Variants in CALN1 observed in about 807,000 individuals in gnomAD.
CALN1 encodes the protein calneuron 1.
CALN1 carries 17 observed loss-of-function variants against 30.6 expected under a neutral mutation model. The observed-to-expected ratio is 0.56, with a 90% CI of 0.38 to 0.83. The LOEUF (loss-of-function observed/expected upper bound fraction) is 0.83. Ranked by LOEUF, CALN1 falls within the 40% of genes least tolerant of loss-of-function variation. The pLI, the probability that CALN1 is intolerant of heterozygous loss-of-function variation, is 0.00. For missense variants in CALN1, 291 were observed against 354.9 expected (o/e 0.82, Z 1.45); for synonymous variants, 156 against 131.4 (o/e 1.19, Z -1.28).
intron 4 of CALN1, among the ~76,000 whole-genome samples, chr7:72,043,719 C>T (rs886598478): frequency 3.3e-5 from 5 of 152,100 alleles, no homozygotes; most frequent in Non-Finnish European, 7.4e-5. Flanking sequence ...TGCAGTTGTC[C>T]GGTCTAGACA....
At position 71,816,935 on chromosome 7, in the gene CALN1, T is replaced by A. The variant is rs1010564689; in HGVS notation, c.502-6443A>T. 2.0e-5 allele frequency among the ~76,000 whole-genome samples: 3 copies of A among 152,124 alleles called. No individual in the cohort carries two copies. In the East Asian group the frequency reaches 5.8e-4, roughly 29 times the overall value. On this transcript the variant is annotated intron_variant, in intron 5 of 6. Transcript: ENST00000395275. Reference sequence around the variant, plus strand: ...GTGAGCCGAGATTGCACCACTGCACTCCAGCCTGGGCAACAGAGCGAGACT... The same window carrying A: ...GTGAGCCGAGATTGCACCACTGCACACCAGCCTGGGCAACAGAGCGAGACT...
At chr7:72,238,738 T>C (rs1325417834) in intron 3 of CALN1, among the ~76,000 whole-genome samples, 1 of 152,210 alleles carries the variant, frequency 6.6e-6, no homozygotes, top group African/African-American at 2.4e-5. Flanking sequence ...GAAGGGCATG[T>C]TTGCTTCCCC....
At chr7:71,960,018 C>T (rs932383956) in intron 5 of CALN1, among the ~76,000 whole-genome samples, 60 of 151,748 alleles carry the variant, frequency 4.0e-4, no homozygotes, top group African/African-American at 1.4e-3. Flanking sequence ...CCTGTAATCC[C>T]AGCTGCTCTA....
At chr7:72,013,247 AT>A (rs1025112311) in intron 5 of CALN1, among the ~76,000 whole-genome samples, 5,844 of 92,874 alleles carry the variant, frequency 0.063, 101 homozygotes, top group African/African-American at 0.14. Flanking sequence ...CTAATTTGAG[AT>A]TTTTTTTTTT....
At chr7:72,022,869 T>C (rs2129530177) in intron 5 of CALN1, among the ~76,000 whole-genome samples, 1 of 149,348 alleles carries the variant, frequency 6.7e-6, no homozygotes, top group Admixed American at 6.7e-5. Flanking sequence ...TTATCTAGGT[T>C]AGAGAAATCT....
Position 72,403,445 on chromosome 7 carries a change from G to T in CALN1, c.-73-3C>A. The T allele has an allele frequency of 8.4e-7, 1 of 1,195,806 alleles. No individual in the cohort carries two copies. Among genetic ancestry groups the T allele is most frequent in the Non-Finnish European group, 1.2e-6 (1 of 856,994 alleles). 74.1% of individuals were successfully genotyped at this position (1,195,806 alleles called of 1,614,324 possible). A position where few individuals can be genotyped will look rare whatever the true frequency, so the allele number is the denominator to read the frequency against. Reference sequence around the variant, plus strand: ...ACGTCAGCGAAGGCACTGAGACTCTGAAAGGAGTTGACAGAAACTTACAGC... The same window carrying T: ...ACGTCAGCGAAGGCACTGAGACTCTTAAAGGAGTTGACAGAAACTTACAGC... On this transcript the variant is annotated splice_region_variant and splice_polypyrimidine_tract_variant and intron_variant, in intron 1 of 6. Coordinates refer to ENST00000395275, the MANE Select transcript of CALN1 (RefSeq NM_031468.4).
chr7:72,384,912 G>A (rs1182401695), intron 2 of CALN1, among the ~76,000 whole-genome samples: 1 of 152,046 alleles, frequency 6.6e-6, no homozygotes, highest in Non-Finnish European at 1.5e-5. Flanking sequence ...ATCTGATAAA[G>A]GACTTGTAGT....
intron 2 of CALN1, among the ~76,000 whole-genome samples, chr7:72,382,905 C>G (rs538762794): frequency 6.6e-6 from 1 of 152,294 alleles, no homozygotes; most frequent in Admixed American, 6.5e-5. Flanking sequence ...TCTCCTGCCT[C>G]AGCCTCCCAA....
chr7:72,124,962 G>A (rs1235918692), intron 3 of CALN1, among the ~76,000 whole-genome samples: 4 of 152,066 alleles, frequency 2.6e-5, no homozygotes, highest in Non-Finnish European at 4.4e-5. Context: ...TTAACTCACA[G>A]TATTTTTTTA....
chr7:71,903,052 CTTTT>C (rs58845319), intron 5 of CALN1, among the ~76,000 whole-genome samples: 17 of 151,432 alleles, frequency 1.1e-4, no homozygotes, highest in Middle Eastern at 3.4e-3. Context: ...AAAATTTTTA[CTTTT>C]TTTTAAAAAA....
chr7:72,210,638 A>T (rs1376991536), intron 3 of CALN1, among the ~76,000 whole-genome samples: 1 of 152,118 alleles, frequency 6.6e-6, no homozygotes, highest in Non-Finnish European at 1.5e-5. Flanking sequence ...CCAAACACTT[A>T]AAAAAACAGC....
At chr7:72,296,415 T>C (rs1358927889) in intron 2 of CALN1, among the ~76,000 whole-genome samples, 4 of 148,346 alleles carry the variant, frequency 2.7e-5, no homozygotes, top group Non-Finnish European at 6.0e-5. Context: ...TTTCTATTGA[T>C]TGGAATAGTT....
intron 4 of CALN1, among the ~76,000 whole-genome samples, chr7:72,073,315 A>C (rs1461127692): frequency 6.6e-6 from 1 of 152,204 alleles, no homozygotes; most frequent in Non-Finnish European, 1.5e-5. Context: ...CGTTATGAAG[A>C]TGGACAGTAG....
chr7:72,358,028 G>A (rs1284064831), intron 2 of CALN1, among the ~76,000 whole-genome samples: 1 of 151,408 alleles, frequency 6.6e-6, no homozygotes, highest in African/African-American at 2.4e-5. Flanking sequence ...GAATCTCACT[G>A]TCTCCCAGGC....
intron 2 of CALN1, among the ~76,000 whole-genome samples, chr7:72,317,737 T>C (rs1436530502): frequency 8.5e-5 from 13 of 152,060 alleles, no homozygotes; most frequent in Non-Finnish European, 1.9e-4. Flanking sequence ...GAGGAGAACA[T>C]TACTTCCAGT....
At chr7:72,228,276 T>C (rs988074729) in intron 3 of CALN1, among the ~76,000 whole-genome samples, 2 of 151,784 alleles carry the variant, frequency 1.3e-5, no homozygotes, top group African/African-American at 2.4e-5. Flanking sequence ...TCACTCAACA[T>C]TCTGTCCTCT....
At chr7:72,071,100 T>C (rs1208030061) in intron 4 of CALN1, among the ~76,000 whole-genome samples, 1 of 152,186 alleles carries the variant, frequency 6.6e-6, no homozygotes, top group African/African-American at 2.4e-5. Context: ...GGTTGGTAAA[T>C]TGCAGTTAAT....
chr7:72,077,192 C>T (rs964003416), intron 4 of CALN1, among the ~76,000 whole-genome samples: 1 of 152,142 alleles, frequency 6.6e-6, no homozygotes, highest in Non-Finnish European at 1.5e-5. Flanking sequence ...ATTATGTATC[C>T]ATAAAAAATA....
intron 2 of CALN1, among the ~76,000 whole-genome samples, chr7:72,366,965 T>G (rs559179501): frequency 1.3e-5 from 2 of 152,220 alleles, no homozygotes; most frequent in African/African-American, 4.8e-5. Context: ...TATGATATAT[T>G]TACACAAAGG....
Sources: allele counts gnomAD v4.1 joint callset (sites outside exome capture counted in the v4.1 genomes callset), GRCh38; gene constraint gnomAD v4.1.1; transcripts MANE v1.5; gene names NCBI Gene and HGNC (gene_info 2026-07-23, HGNC 2026-07-21).